The following KIAA1328 variants were observed in gnomAD, a reference collection of about 807,000 sequenced individuals.
KIAA1328 encodes KIAA1328.
In KIAA1328, 52 loss-of-function variants were observed where a neutral mutation model predicts 68.1. The observed-to-expected ratio is 0.76, with a 90% CI of 0.61 to 0.96. The LOEUF (loss-of-function observed/expected upper bound fraction) is 0.96, where lower values mean the gene tolerates loss of function less well. Ranked by LOEUF, KIAA1328 falls within the 40% of genes least tolerant of loss-of-function variation. The pLI, the probability that KIAA1328 is intolerant of heterozygous loss-of-function variation, is 0.00. For missense variants in KIAA1328, 641 were observed against 677.6 expected (o/e 0.95, Z 0.60); for synonymous variants, 232 against 239.4 (o/e 0.97, Z 0.28).
At chr18:37,000,040 C>A (rs533305484) in intron 6 of KIAA1328, among the ~76,000 whole-genome samples, 4 of 151,992 alleles carry the variant, frequency 2.6e-5, no homozygotes, top group Non-Finnish European at 5.9e-5. Flanking sequence ...GGATTAAATT[C>A]TCCACTCAGA....
chr18:36,848,991 T>C (rs1253589073), intron 4 of KIAA1328, among the ~76,000 whole-genome samples: 1 of 151,870 alleles, frequency 6.6e-6, no homozygotes, highest in East Asian at 1.9e-4. Context: ...ATTTGTAGTT[T>C]TCATGAAATA....
At chr18:37,014,457 C>A (rs1417655430) in intron 6 of KIAA1328, among the ~76,000 whole-genome samples, 2 of 152,116 alleles carry the variant, frequency 1.3e-5, no homozygotes, top group Non-Finnish European at 2.9e-5. Flanking sequence ...TTCTAGGATT[C>A]TGTATTAGTT....
chr18:37,097,035 T>A (rs1436640736), intron 7 of KIAA1328, among the ~76,000 whole-genome samples: 5 of 152,074 alleles, frequency 3.3e-5, no homozygotes, highest in Non-Finnish European at 7.4e-5. Flanking sequence ...GCCTGTTCAC[T>A]CTGATGGTAG....
At chr18:37,112,790 T>A (rs1699057) in intron 7 of KIAA1328, among the ~76,000 whole-genome samples, 40,496 of 151,938 alleles carry the variant, frequency 0.27, 8,490 homozygotes, top group African/African-American at 0.59. Flanking sequence ...CTAACTAGAA[T>A]AAACAGTGTA....
intron 7 of KIAA1328, among the ~76,000 whole-genome samples, chr18:37,091,558 A>G (rs2057268130): frequency 6.6e-6 from 1 of 152,152 alleles, no homozygotes; most frequent in Admixed American, 6.5e-5. Context: ...GCATTGTTCC[A>G]TCAAGAGAGT....
intron 5 of KIAA1328, among the ~76,000 whole-genome samples, chr18:36,893,391 C>T (rs1425763818): frequency 2.0e-5 from 3 of 151,176 alleles, no homozygotes; most frequent in East Asian, 1.9e-4. Flanking sequence ...TCTCAGCCAC[C>T]GTAGTCACTG....
intron 4 of KIAA1328, among the ~76,000 whole-genome samples, chr18:36,877,263 A>G (rs889928232): frequency 5.3e-5 from 8 of 152,008 alleles, no homozygotes; most frequent in African/African-American, 1.9e-4. Context: ...TCTGATTTTG[A>G]CAGTGGGGTG....
At chr18:37,046,005 T>C (rs1217909296) in intron 6 of KIAA1328, among the ~76,000 whole-genome samples, 1 of 152,214 alleles carries the variant, frequency 6.6e-6, no homozygotes, top group Non-Finnish European at 1.5e-5. Context: ...GAAATTTGCA[T>C]TGTGTTCAGA....
intron 6 of KIAA1328, among the ~76,000 whole-genome samples, chr18:36,991,140 A>G (rs1409419661): frequency 6.6e-6 from 1 of 152,224 alleles, no homozygotes; most frequent in Admixed American, 6.5e-5. Flanking sequence ...GAAAATATCC[A>G]TAACCCTTAT....
intron 6 of KIAA1328, among the ~76,000 whole-genome samples, chr18:36,982,445 A>G (rs910084847): frequency 1.3e-5 from 2 of 151,872 alleles, no homozygotes; most frequent in African/African-American, 4.8e-5. Context: ...ATATGACAGC[A>G]GGTTCTTGCA....
At chr18:37,097,990 T>C (rs183483189) in intron 7 of KIAA1328, among the ~76,000 whole-genome samples, 73 of 152,154 alleles carry the variant, frequency 4.8e-4, no homozygotes, top group African/African-American at 1.5e-3. Context: ...CAGTGGGGTT[T>C]TCTAGATGTA....
At chr18:36,932,771 G>T (rs1334834775) in intron 5 of KIAA1328, among the ~76,000 whole-genome samples, 1 of 152,122 alleles carries the variant, frequency 6.6e-6, no homozygotes, top group African/African-American at 2.4e-5. Context: ...GTCACTGCTT[G>T]GTTTAAGCTT....
At chr18:37,011,161 T>C (rs1172119784) in intron 6 of KIAA1328, among the ~76,000 whole-genome samples, 1 of 152,136 alleles carries the variant, frequency 6.6e-6, no homozygotes, top group Non-Finnish European at 1.5e-5. Context: ...CGTATGTTAG[T>C]AAAAGATATA....
intron 7 of KIAA1328, among the ~76,000 whole-genome samples, chr18:37,131,537 C>T (rs976518063): frequency 3.9e-5 from 6 of 152,262 alleles, no homozygotes; most frequent in South Asian, 2.1e-4. Flanking sequence ...CAACCCCCTG[C>T]GTCTACCCAA....
intron 7 of KIAA1328, among the ~76,000 whole-genome samples, chr18:37,130,025 G>A (rs892262782): frequency 6.6e-6 from 1 of 152,156 alleles, no homozygotes; most frequent in Non-Finnish European, 1.5e-5. Flanking sequence ...AATTAGTAAA[G>A]CGAGATATGA....
intron 4 of KIAA1328, among the ~76,000 whole-genome samples, chr18:36,844,774 T>C (rs1001058374): frequency 1.3e-5 from 2 of 151,882 alleles, no homozygotes; most frequent in African/African-American, 4.8e-5. Flanking sequence ...ACTATTCCAG[T>C]TTATTAGTGA....
intron 5 of KIAA1328, among the ~76,000 whole-genome samples, chr18:36,892,023 C>G (rs369812381): frequency 1.3e-5 from 2 of 152,158 alleles, no homozygotes; most frequent in East Asian, 3.8e-4. Flanking sequence ...AGAAATCATT[C>G]GTTGCAAATA....
At chr18:37,074,074 G>A (rs2151761505) in intron 7 of KIAA1328, among the ~76,000 whole-genome samples, 1 of 152,316 alleles carries the variant, frequency 6.6e-6, no homozygotes, top group South Asian at 2.1e-4. Context: ...ACCTTTGCTG[G>A]TGGGAATGGG....
chr18:36,837,120 A>G (rs895262706), intron 3 of KIAA1328, among the ~76,000 whole-genome samples: 4 of 152,180 alleles, frequency 2.6e-5, no homozygotes, highest in African/African-American at 9.6e-5. Flanking sequence ...TATACCTATA[A>G]GTGAATTGCT....
Sources: allele counts gnomAD v4.1 joint callset (sites outside exome capture counted in the v4.1 genomes callset), GRCh38; gene constraint gnomAD v4.1.1; transcripts MANE v1.5; gene names NCBI Gene and HGNC (gene_info 2026-07-23, HGNC 2026-07-21).